The following CPM variants were observed in gnomAD, a reference collection of about 807,000 sequenced individuals.
The protein encoded by CPM is renal carboxypeptidase.
CPM carries 35 observed loss-of-function variants against 46.4 expected under a neutral mutation model. That is an observed-to-expected ratio of 0.75 (90% CI 0.58 to 1.00). The LOEUF (loss-of-function observed/expected upper bound fraction) is 1.00, where lower values mean the gene tolerates loss of function less well. CPM is among the 50% of genes least tolerant of loss of function. CPM has a pLI of 0.00. For missense variants in CPM, 422 were observed against 530.4 expected (o/e 0.80, Z 2.01); for synonymous variants, 195 against 195.3 (o/e 1.00, Z 0.01).
intron 6 of CPM, among the ~76,000 whole-genome samples, chr12:68,867,616 T>C (rs996906691): frequency 2.0e-5 from 3 of 152,262 alleles, no homozygotes; most frequent in East Asian, 3.9e-4. Flanking sequence ...TAAAGAAAAG[T>C]GCTCAGGGGT....
intron 3 of CPM, among the ~76,000 whole-genome samples, chr12:68,881,558 A>G (rs1262326419): frequency 3.1e-5 from 3 of 95,876 alleles, no homozygotes; most frequent in South Asian, 4.0e-4. Context: ...TATTTACTTA[A>G]AAGTGTTGCA....
At chr12:68,938,807 TACAC>T (rs745482830) in intron 1 of CPM, among the ~76,000 whole-genome samples, 1 of 149,748 alleles carries the variant, frequency 6.7e-6, no homozygotes, top group Non-Finnish European at 1.5e-5. Flanking sequence ...TATGTGTGTA[TACAC>T]ACACACACAC....
chr12:68,911,844 C>G (rs997317923), intron 2 of CPM: 7 of 152,166 alleles, frequency 4.6e-5, no homozygotes, highest in Non-Finnish European at 7.4e-5. Flanking sequence ...CACTGAACAG[C>G]AGAACCAGGA....
intron 3 of CPM, among the ~76,000 whole-genome samples, chr12:68,873,979 T>C (rs1885827043): frequency 6.6e-6 from 1 of 151,978 alleles, no homozygotes; most frequent in Admixed American, 6.6e-5. Flanking sequence ...CTAATTTTGA[T>C]ATTTTTAGTA....
chr12:68,961,379 G>T (rs993748777), intron 1 of CPM, among the ~76,000 whole-genome samples: 1 of 151,942 alleles, frequency 6.6e-6, no homozygotes, highest in Admixed American at 6.6e-5. Flanking sequence ...TCCTGGGCTC[G>T]AGTGGTCCAC....
At chr12:68,866,851 C>G in intron 7 of CPM, 45 bp downstream of exon 7, 1 of 1,542,164 alleles carries the variant, frequency 6.5e-7, no homozygotes, top group Non-Finnish European at 8.9e-7. Context: ...TTGCCAGATG[C>G]TCTATTTTGT....
chr12:68,843,730 A>C, intron 5 of CPM: 1 of 223,702 alleles, frequency 4.5e-6, no homozygotes, highest in Non-Finnish European at 8.9e-6. Context: ...TGTCTCAATA[A>C]ATGGCCAAAG....
At chr12:68,955,137 A>C (rs1356377766) in intron 1 of CPM, among the ~76,000 whole-genome samples, 2 of 152,162 alleles carry the variant, frequency 1.3e-5, no homozygotes, top group African/African-American at 4.8e-5. Flanking sequence ...TGCTGGGCCG[A>C]GTGGGCAGAA....
intron 3 of CPM, among the ~76,000 whole-genome samples, chr12:68,874,407 G>A (rs940676604): frequency 1.3e-5 from 2 of 152,022 alleles, no homozygotes; most frequent in African/African-American, 2.4e-5. Flanking sequence ...CCCGAAGTCA[G>A]GAGTTTGAGA....
intron 2 of CPM, among the ~76,000 whole-genome samples, chr12:68,889,540 T>C (rs1057165736): frequency 1.3e-5 from 2 of 152,136 alleles, no homozygotes; most frequent in African/African-American, 4.8e-5. Context: ...AATTAAATAA[T>C]GGATGAGGCC....
Position 68,869,306 on chromosome 12 carries a change from G to A in CPM, c.787+19C>T. On this transcript the variant is annotated intron_variant, in intron 6 of 8. Coordinates refer to ENST00000551568, the MANE Select transcript of CPM (RefSeq NM_198320.5). ...GGTGAAGGCAATAAGGAGAATGGAA[G>A]AAATGAAGAGAAACTCACCTTGGAG... 6.2e-7 allele frequency: 1 copy of A among 1,606,230 alleles called. No individual in the cohort carries two copies. Among genetic ancestry groups the A allele is most frequent in the African/African-American group, 1.3e-5 (1 of 74,440 alleles).
chr12:68,876,833 G>C (rs1402015201), intron 3 of CPM, among the ~76,000 whole-genome samples: 1 of 152,034 alleles, frequency 6.6e-6, no homozygotes, highest in Non-Finnish European at 1.5e-5. Context: ...AAAAATTTTT[G>C]AAGGAACAAT....
At position 68,869,314 on chromosome 12, in the gene CPM, G is replaced by A; in HGVS notation, c.787+11C>T. The A allele has an allele frequency of 6.2e-7, 1 of 1,608,404 alleles. No homozygotes were observed. The highest frequency in any genetic ancestry group is 8.5e-7 in the Non-Finnish European group (1 of 1,178,616). On this transcript the variant is annotated intron_variant, in intron 6 of 8. Coordinates refer to ENST00000551568, the MANE Select transcript of CPM (RefSeq NM_198320.5). ...CAATAAGGAGAATGGAAGAAATGAA[G>A]AGAAACTCACCTTGGAGTGGATACC...
intron 1 of CPM, among the ~76,000 whole-genome samples, chr12:68,956,103 G>A (rs985439271): frequency 2.0e-5 from 3 of 152,170 alleles, no homozygotes; most frequent in African/African-American, 4.8e-5. Flanking sequence ...TTCCATGCTC[G>A]TCAGTGCCCA....
chr12:68,873,546 C>T (rs1378794583), intron 3 of CPM, among the ~76,000 whole-genome samples: 1 of 151,726 alleles, frequency 6.6e-6, no homozygotes, highest in Non-Finnish European at 1.5e-5. Flanking sequence ...AGACCTATGG[C>T]CCCAACTACT....
chr12:68,860,026 T>C (rs1302589471), intron 7 of CPM, among the ~76,000 whole-genome samples: 1 of 152,210 alleles, frequency 6.6e-6, no homozygotes, highest in Non-Finnish European at 1.5e-5. Context: ...AATTATTTAT[T>C]AGGGCAGAAA....
intron 2 of CPM, among the ~76,000 whole-genome samples, chr12:68,886,193 C>CTGAGATCCTGGAGCCTT (rs1199726804): frequency 1.3e-5 from 2 of 152,082 alleles, no homozygotes; most frequent in African/African-American, 4.8e-5. Flanking sequence ...ATACATTACC[C>CTGAGATCCTGGAGCCTT]TGAGATCCTG....
At chr12:68,909,547 T>G (rs1887491275) in intron 2 of CPM, among the ~76,000 whole-genome samples, 1 of 152,132 alleles carries the variant, frequency 6.6e-6, no homozygotes, top group South Asian at 2.1e-4. Flanking sequence ...ATATGTTTAT[T>G]GCAGCACTAT....
intron 1 of CPM, among the ~76,000 whole-genome samples, chr12:68,946,436 G>A (rs1252887731): frequency 6.6e-6 from 1 of 152,110 alleles, no homozygotes; most frequent in Non-Finnish European, 1.5e-5. Context: ...CTTGAGCCCA[G>A]CCAAAGATTT....
Sources: gnomAD v4.1 joint callset for allele counts (sites outside exome capture counted in the v4.1 genomes callset) on GRCh38, gnomAD v4.1.1 for gene constraint, MANE v1.5 for transcripts, NCBI Gene and HGNC (gene_info 2026-07-23, HGNC 2026-07-21) for gene names.